ARK2N: variants seen among roughly 807,000 people sequenced by gnomAD.
The protein encoded by ARK2N is arkadia (RNF111) N-terminal like PKA signaling regulator 2N, also known as protein ARK2N.
At chr18:46,264,708 G>GTTCTTC in the ARK2N span, 2 of 147,226 alleles carry the variant, frequency 1.4e-5, no homozygotes, top group Admixed American at 6.8e-5. Flanking sequence ...TGCCCAGCCT[G>GTTCTTC]TTCTTCTTCT....
At chr18:46,192,295 T>C in the ARK2N span, among the ~76,000 whole-genome samples, 1 of 152,106 alleles carries the variant, frequency 6.6e-6, no homozygotes, top group African/African-American at 2.4e-5. Flanking sequence ...GGACTCTGGC[T>C]GGGTGAGGTG....
chr18:46,223,552 A>ATCT, the ARK2N span, among the ~76,000 whole-genome samples: 1 of 152,232 alleles, frequency 6.6e-6, no homozygotes, highest in Non-Finnish European at 1.5e-5. Context: ...TTCTCTTTGC[A>ATCT]TCTTCATAAA....
the ARK2N span, among the ~76,000 whole-genome samples, chr18:46,176,744 A>G: frequency 6.6e-6 from 1 of 151,970 alleles, no homozygotes; most frequent in Admixed American, 6.6e-5. Flanking sequence ...CAGCCTACCA[A>G]TTAGCTGGGA....
At chr18:46,228,934 A>T in the ARK2N span, 1 of 396,824 alleles carries the variant, frequency 2.5e-6, no homozygotes, top group Non-Finnish European at 4.4e-6. Context: ...AAGGTGTTGA[A>T]CACTAATAAT....
chr18:46,216,739 A>G, the ARK2N span: 5 of 719,644 alleles, frequency 6.9e-6, no homozygotes, highest in Non-Finnish European at 4.4e-6. This position sits in a 1 kb window ranked among gnomAD's most constrained non-coding sequence, Gnocchi z 4.3. Flanking sequence ...TTAACAAGAC[A>G]TGGCCAATTT....
chr18:46,264,735 C>CTTTTTTT, the ARK2N span: 15 of 133,236 alleles, frequency 1.1e-4, no homozygotes, highest in African/African-American at 2.8e-4. Context: ...TCATCTTCTT[C>CTTTTTTT]TTTTTTTTTT....
chr18:46,253,670 GT>G, the ARK2N span: 9 of 1,599,380 alleles, frequency 5.6e-6, no homozygotes, highest in African/African-American at 2.7e-5. Context: ...TATAGTGCTT[GT>G]TTTTTTTCCT....
chr18:46,257,547 G>A, the ARK2N span, among the ~76,000 whole-genome samples: 287 of 152,152 alleles, frequency 1.9e-3, 2 homozygotes, highest in Middle Eastern at 0.02. Flanking sequence ...TTAATTTTTG[G>A]ACAGTCCAGT....
At chr18:46,200,734 A>G in the ARK2N span, among the ~76,000 whole-genome samples, 26 of 152,116 alleles carry the variant, frequency 1.7e-4, no homozygotes, top group African/African-American at 6.3e-4. Context: ...GGAACTCTGG[A>G]TGTTTTTTAG....
the ARK2N span, among the ~76,000 whole-genome samples, chr18:46,194,608 G>A: frequency 6.6e-6 from 1 of 150,852 alleles, no homozygotes; most frequent in Admixed American, 6.6e-5. Flanking sequence ...TGAGTAGCTG[G>A]GACTACAGGC....
the ARK2N span, chr18:46,215,824 T>G: frequency 6.6e-7 from 1 of 1,513,546 alleles, no homozygotes; most frequent in South Asian, 1.3e-5. Context: ...GCTTTCCTGT[T>G]GCATCTTTGA....
chr18:46,175,628 G>A, the ARK2N span, among the ~76,000 whole-genome samples: 1 of 150,682 alleles, frequency 6.6e-6, no homozygotes, highest in Admixed American at 6.6e-5. Context: ...TCAGCCTCCC[G>A]AGTAGCTGGG....
At chr18:46,201,602 A>C in the ARK2N span, among the ~76,000 whole-genome samples, 4 of 152,012 alleles carry the variant, frequency 2.6e-5, no homozygotes, top group African/African-American at 7.2e-5. Flanking sequence ...ATAAGGAAGT[A>C]GTATCAAATT....
chr18:46,176,385 C>G, the ARK2N span, among the ~76,000 whole-genome samples: 1 of 151,902 alleles, frequency 6.6e-6, no homozygotes, highest in East Asian at 1.9e-4. Flanking sequence ...ATGGAAATAG[C>G]ATGTATTCAT....
the ARK2N span, among the ~76,000 whole-genome samples, chr18:46,213,185 A>G: frequency 6.6e-6 from 1 of 151,640 alleles, no homozygotes; most frequent in East Asian, 1.9e-4. Flanking sequence ...TATTTTTAGT[A>G]GAGATGGGCT....
chr18:46,198,096 G>A, the ARK2N span, among the ~76,000 whole-genome samples: 3 of 152,092 alleles, frequency 2.0e-5, no homozygotes, highest in South Asian at 6.2e-4. Flanking sequence ...GAGGTCGGGA[G>A]TTCAAAACCG....
At chr18:46,173,642 A>C in the ARK2N span, 24 of 152,472 alleles carry the variant, frequency 1.6e-4, no homozygotes, top group African/African-American at 5.8e-4. Context: ...AGAGAAGGGC[A>C]CGGGCTCTCC....
chr18:46,193,763 T>C, the ARK2N span, among the ~76,000 whole-genome samples: 1 of 151,244 alleles, frequency 6.6e-6, no homozygotes, highest in African/African-American at 2.4e-5. Flanking sequence ...CACGCCTGGC[T>C]GATTTTTGTA....
At chr18:46,190,962 G>T in the ARK2N span, among the ~76,000 whole-genome samples, 3 of 152,152 alleles carry the variant, frequency 2.0e-5, no homozygotes, top group Non-Finnish European at 2.9e-5. Flanking sequence ...AGATTTAATA[G>T]ATTCATTTAA....
Sources: allele counts gnomAD v4.1 joint callset (sites outside exome capture counted in the v4.1 genomes callset), GRCh38; gene constraint gnomAD v4.1.1; non-coding constraint Gnocchi (gnomAD v3.1); transcripts MANE v1.5; gene names NCBI Gene and HGNC (gene_info 2026-07-23, HGNC 2026-07-21).